GJC1: variants seen among roughly 807,000 people sequenced by gnomAD.
The protein encoded by GJC1 is gap junction gamma-1 protein.
GJC1 carries 5 observed loss-of-function variants against 29.3 expected under a neutral mutation model. The observed-to-expected ratio is 0.17, with a 90% CI of 0.09 to 0.36. The LOEUF is 0.36. GJC1 is among the 10% of genes least tolerant of loss of function. GJC1 has a pLI of 1.00. For missense variants in GJC1, 310 were observed against 496.2 expected (o/e 0.62, Z 3.56); for synonymous variants, 177 against 183.3 (o/e 0.97, Z 0.28).
chr17:44,817,980 AGGTGG>A (rs1161618755), intron 1 of GJC1, among the ~76,000 whole-genome samples: 5 of 152,148 alleles, frequency 3.3e-5, no homozygotes, highest in Non-Finnish European at 7.3e-5. Context: ...TGGGAGGCCG[AGGTGG>A]GCGGATCAGC....
At chr17:44,816,630 C>G (rs1436238640) in intron 1 of GJC1, among the ~76,000 whole-genome samples, 2 of 151,968 alleles carry the variant, frequency 1.3e-5, no homozygotes, top group Non-Finnish European at 2.9e-5. Context: ...GTCAGCTTCT[C>G]GAGTAGCTGG....
At chr17:44,825,185 TTACAAAAAAAA>T in intron 1 of GJC1, among the ~76,000 whole-genome samples, 1 of 44,664 alleles carries the variant, frequency 2.2e-5, no homozygotes, top group Non-Finnish European at 3.9e-5. Context: ...TCTGTCTCAA[TTACAAAAAAAA>T]AAAAAAAAAA....
intron 1 of GJC1, among the ~76,000 whole-genome samples, chr17:44,822,895 C>T (rs1423763034): frequency 6.6e-6 from 1 of 151,968 alleles, no homozygotes; most frequent in African/African-American, 2.4e-5. Context: ...ACCGAAGCCA[C>T]AGAATGGATA....
intron 1 of GJC1, among the ~76,000 whole-genome samples, chr17:44,825,518 C>T (rs1456646859): frequency 2.0e-5 from 3 of 152,048 alleles, no homozygotes; most frequent in Non-Finnish European, 4.4e-5. Context: ...CACAGTGGTT[C>T]GCGTCTGTAA....
chr17:44,801,157 GC>G lies in GJC1; in HGVS notation c.*3469del. 1 of 152,110 alleles carries G rather than the reference GC, an allele frequency of 6.6e-6. No homozygotes were observed. Among genetic ancestry groups the G allele is most frequent in the Non-Finnish European group, 1.5e-5 (1 of 68,076 alleles). 9.4% of individuals were successfully genotyped at this position (152,110 alleles called of 1,614,324 possible). Reference sequence around the variant, plus strand: ...AAAATCAGCCTGGTATGGTGGTGGTGCCTGTAATCCCAGCTACTCGGGAGGC... The same window carrying G: ...AAAATCAGCCTGGTATGGTGGTGGTGCTGTAATCCCAGCTACTCGGGAGGC... On this transcript the variant is annotated 3_prime_UTR_variant, in exon 3 of 3. Coordinates refer to ENST00000592524, the MANE Select transcript of GJC1 (RefSeq NM_005497.4).
At chr17:44,816,600 C>T (rs934158564) in intron 1 of GJC1, among the ~76,000 whole-genome samples, 1 of 152,066 alleles carries the variant, frequency 6.6e-6, no homozygotes, top group Non-Finnish European at 1.5e-5. Context: ...CTCCGGGGTT[C>T]AAGCAATTCT....
intron 1 of GJC1, among the ~76,000 whole-genome samples, chr17:44,820,392 T>G (rs1478871559): frequency 6.6e-6 from 1 of 152,230 alleles, no homozygotes; most frequent in African/African-American, 2.4e-5. Context: ...ATTTCTGAAA[T>G]AAATGAAGAA....
intron 1 of GJC1, among the ~76,000 whole-genome samples, chr17:44,826,045 C>T (rs1395747054): frequency 2.6e-5 from 4 of 152,158 alleles, no homozygotes; most frequent in Admixed American, 6.5e-5. Context: ...CTCAGCCTCC[C>T]GAGTAGCTGG....
intron 1 of GJC1, among the ~76,000 whole-genome samples, chr17:44,815,644 TCC>T (rs2050033269): frequency 6.6e-6 from 1 of 152,144 alleles, no homozygotes; most frequent in Middle Eastern, 3.2e-3. Flanking sequence ...CCCTCATATA[TCC>T]AACCCCTTTG....
chr17:44,818,315 G>C (rs12937328), intron 1 of GJC1, among the ~76,000 whole-genome samples: 4 of 152,144 alleles, frequency 2.6e-5, no homozygotes, highest in Non-Finnish European at 4.4e-5. Flanking sequence ...AAGTTTAAAA[G>C]TAAAATAAAA....
intron 1 of GJC1, among the ~76,000 whole-genome samples, chr17:44,809,234 C>CT (rs1487755589): frequency 6.6e-6 from 1 of 152,190 alleles, no homozygotes; most frequent in Non-Finnish European, 1.5e-5. Flanking sequence ...GCACTCCTGC[C>CT]TGGGCGAGAG....
intron 1 of GJC1, among the ~76,000 whole-genome samples, chr17:44,813,683 G>C (rs1032124648): frequency 1.3e-5 from 2 of 151,766 alleles, no homozygotes; most frequent in African/African-American, 4.8e-5. Context: ...AGGAGAGACA[G>C]CGTTTCACCA....
chr17:44,821,482 G>A (rs915616020), intron 1 of GJC1, among the ~76,000 whole-genome samples: 3 of 151,904 alleles, frequency 2.0e-5, no homozygotes, highest in Admixed American at 6.6e-5. Flanking sequence ...CGGATCACCT[G>A]AGGTCAGGAG....
At chr17:44,812,462 T>A (rs1328619111) in intron 1 of GJC1, among the ~76,000 whole-genome samples, 1 of 152,182 alleles carries the variant, frequency 6.6e-6, no homozygotes, top group East Asian at 1.9e-4. Context: ...AAGGTCTGAT[T>A]TTTTCAAATT....
rs975201385 is a variant in GJC1, at chr17:44,801,379, G to A, written c.*3248C>T. 1 of 152,192 alleles carries A rather than the reference G, an allele frequency of 6.6e-6. No individual in the cohort carries two copies. The highest frequency in any genetic ancestry group is 2.4e-5 in the African/African-American group (1 of 41,434). The allele number at this position is 152,192 out of a possible 1,614,324, so 9.4% of individuals were successfully genotyped here. A position where few individuals can be genotyped will look rare whatever the true frequency, so the allele number is the denominator to read the frequency against. ...TGATTGTATCCTGATTCTAGCAGGT[G>A]AAGGACTAAGCACTCAACTTGTATT... On this transcript the variant is annotated 3_prime_UTR_variant, in exon 3 of 3. Coordinates refer to ENST00000592524, the MANE Select transcript of GJC1 (RefSeq NM_005497.4).
Position 44,805,340 on chromosome 17 carries a change from G to C in GJC1, c.478C>G (p.Pro160Ala), listed in dbSNP as rs2049901056. Reference sequence around the variant, plus strand: ...ATCCGTCGTCGGCCATCATGCTTAGGTTTGGGTTGGCTCTGCTCTTTATTT... The same window carrying C: ...ATCCGTCGTCGGCCATCATGCTTAGCTTTGGGTTGGCTCTGCTCTTTATTT... ...KENKEQSQPKPKHDGRRRIRE... is the reference protein window; with the variant it reads ...KENKEQSQPKAKHDGRRRIRE... Residue 160 changes from proline (P) to alanine (A), a missense_variant, in exon 3 of 3, where the codon CCT becomes GCT. Physicochemically the swap from Pro to Ala is conservative, Grantham distance 27. This residue lies in a region of GJC1 where 82 missense variants were observed against 100.7 expected (regional missense o/e 0.81). Transcript: ENST00000592524. The surrounding 1 kb of genome is among the most constrained non-coding windows in gnomAD (Gnocchi z 5.1). The C allele has an allele frequency of 6.2e-7, 1 of 1,614,198 alleles. No individual in the cohort carries two copies.
At chr17:44,797,198 C>T (rs1329121120), downstream of GJC1, among the ~76,000 whole-genome samples, 2 of 152,084 alleles carry the variant, frequency 1.3e-5, no homozygotes, top group South Asian at 2.1e-4. Flanking sequence ...CTTCGCCTCC[C>T]GGGTTCACGC....
intron 1 of GJC1, among the ~76,000 whole-genome samples, chr17:44,811,548 G>A (rs1484222194): frequency 1.3e-5 from 2 of 151,862 alleles, no homozygotes; most frequent in African/African-American, 4.8e-5. Flanking sequence ...CACCATGCCT[G>A]GCTAATTTTT....
intron 1 of GJC1, among the ~76,000 whole-genome samples, chr17:44,812,447 T>C (rs2145326666): frequency 6.6e-6 from 1 of 152,318 alleles, no homozygotes; most frequent in South Asian, 2.1e-4. Flanking sequence ...TTCAAGATCA[T>C]TGCCAAGGTC....
Sources: allele counts gnomAD v4.1 joint callset (sites outside exome capture counted in the v4.1 genomes callset), GRCh38; gene constraint gnomAD v4.1.1; regional missense constraint gnomAD v4.1.1; non-coding constraint Gnocchi (gnomAD v3.1); transcripts MANE v1.5; gene names NCBI Gene and HGNC (gene_info 2026-07-23, HGNC 2026-07-21).